The following OR51B5 variants were observed in gnomAD, a reference collection of about 807,000 sequenced individuals.
OR51B5 encodes olfactory receptor family 51 subfamily B member 5.
For missense variants in OR51B5, 456 were observed against 374.6 expected (o/e 1.22, Z -1.79); for synonymous variants, 186 against 144.8 (o/e 1.28, Z -2.04).
chr11:5,488,466 G>C (rs1277736771), intron 1 of OR51B5, among the ~76,000 whole-genome samples: 3 of 152,156 alleles, frequency 2.0e-5, no homozygotes, highest in African/African-American at 7.2e-5. Flanking sequence ...ACTTAGCTTG[G>C]TGCTTTGGAT....
At chr11:5,363,736 T>C (rs112230798) in intron 1 of OR51B5, among the ~76,000 whole-genome samples, 3,232 of 152,312 alleles carry the variant, frequency 0.021, 110 homozygotes, top group African/African-American at 0.071. Flanking sequence ...CATTCTGTTA[T>C]TGGAAAGCGG....
chr11:5,482,031 A>G (rs1163867844), intron 1 of OR51B5, among the ~76,000 whole-genome samples: 2 of 120,184 alleles, frequency 1.7e-5, no homozygotes, highest in Non-Finnish European at 3.3e-5. Flanking sequence ...GAACCAAAAA[A>G]GAGCCTGCAT....
intron 1 of OR51B5, among the ~76,000 whole-genome samples, chr11:5,475,497 G>A (rs1428588607): frequency 6.6e-6 from 1 of 151,996 alleles, no homozygotes; most frequent in Non-Finnish European, 1.5e-5. Flanking sequence ...CCAACTCTTG[G>A]TGGATATTAA....
chr11:5,457,893 T>C (rs143513345), intron 1 of OR51B5, among the ~76,000 whole-genome samples: 1 of 152,332 alleles, frequency 6.6e-6, no homozygotes, highest in East Asian at 1.9e-4. Flanking sequence ...TTTGGAAGTA[T>C]TCACTCCCAT....
chr11:5,396,099 G>A (rs2133735783), intron 1 of OR51B5, among the ~76,000 whole-genome samples: 1 of 152,234 alleles, frequency 6.6e-6, no homozygotes, highest in South Asian at 2.1e-4. Flanking sequence ...ATACAGATCT[G>A]GTCCCAGAGA....
intron 1 of OR51B5, among the ~76,000 whole-genome samples, chr11:5,418,253 T>C (rs1405509497): frequency 6.6e-6 from 1 of 151,536 alleles, no homozygotes; most frequent in South Asian, 2.1e-4. Context: ...TGGGGACTGT[T>C]GTGGGGTGCG....
chr11:5,389,486 C>T, intron 1 of OR51B5: 1 of 1,614,012 alleles, frequency 6.2e-7, no homozygotes, highest in Non-Finnish European at 8.5e-7. Context: ...CACCAGCTTT[C>T]CTGGATTGGA....
intron 1 of OR51B5, among the ~76,000 whole-genome samples, chr11:5,460,771 G>A (rs1851038295): frequency 6.6e-6 from 1 of 152,182 alleles, no homozygotes; most frequent in Non-Finnish European, 1.5e-5. Context: ...ATTCTTTGAT[G>A]CCTTTGATGA....
chr11:5,463,788 C>T (rs1013929608), intron 1 of OR51B5, among the ~76,000 whole-genome samples: 3 of 152,182 alleles, frequency 2.0e-5, no homozygotes, highest in Non-Finnish European at 2.9e-5. Flanking sequence ...ATGGGAGAAA[C>T]CTGTCTAAAG....
At chr11:5,439,984 C>T (rs10838106) in intron 1 of OR51B5, among the ~76,000 whole-genome samples, 73,893 of 152,004 alleles carry the variant, frequency 0.49, 19,532 homozygotes, top group Non-Finnish European at 0.59. Context: ...TGTTTCTTCT[C>T]AGGCAATTAT....
intron 1 of OR51B5, among the ~76,000 whole-genome samples, chr11:5,403,886 A>G (rs1028194183): frequency 6.6e-6 from 1 of 152,060 alleles, no homozygotes; most frequent in African/African-American, 2.4e-5. Context: ...TGGGAAATCT[A>G]TTGAGCCCTC....
intron 1 of OR51B5, among the ~76,000 whole-genome samples, chr11:5,441,760 T>C (rs566995903): frequency 3.3e-5 from 5 of 152,220 alleles, no homozygotes; most frequent in African/African-American, 1.2e-4. Flanking sequence ...ATCAAATGAG[T>C]GCCCATAACA....
At chr11:5,469,633 C>T (rs1267108661) in intron 1 of OR51B5, among the ~76,000 whole-genome samples, 1 of 152,176 alleles carries the variant, frequency 6.6e-6, no homozygotes, top group Non-Finnish European at 1.5e-5. Flanking sequence ...CTGTCATGAG[C>T]TCCAGGTTCT....
chr11:5,400,196 G>T (rs1339407562), intron 1 of OR51B5, among the ~76,000 whole-genome samples: 1 of 152,144 alleles, frequency 6.6e-6, no homozygotes, highest in South Asian at 2.1e-4. Context: ...ACAGCACAGA[G>T]CTTTTCCTAA....
At chr11:5,431,641 A>G (rs1231794749) in intron 1 of OR51B5, 1 of 152,850 alleles carries the variant, frequency 6.5e-6, no homozygotes, top group Non-Finnish European at 1.5e-5. Flanking sequence ...CTGCCATTTG[A>G]AAAAAACTGA....
rs999500027 is a variant in OR51B5 at position 5,454,563 on chromosome 11, A to G, written n.84+51006T>C. 34 of 675,326 alleles carry G rather than the reference A, an allele frequency of 5.0e-5. No individual in the cohort carries two copies. The Middle Eastern group carries it at 8.0e-4, about 16-fold the overall frequency. The allele number at this position is 675,326 out of a possible 1,614,324, so 41.8% of individuals were successfully genotyped here. A position where few individuals can be genotyped will look rare whatever the true frequency, so the allele number is the denominator to read the frequency against. On this transcript the variant is annotated intron_variant and non_coding_transcript_variant, in intron 1 of 4. Coordinates refer to the OR51B5 transcript ENST00000415970. Reference sequence around the variant, plus strand: ...GCCAGGAGATGGTGATGCAAAACTTATAACACAAAACAAGGAGTTCCAAAT... The same window carrying G: ...GCCAGGAGATGGTGATGCAAAACTTGTAACACAAAACAAGGAGTTCCAAAT...
intron 1 of OR51B5, among the ~76,000 whole-genome samples, chr11:5,349,559 A>AAATT (rs1160763651): frequency 6.6e-6 from 1 of 152,178 alleles, no homozygotes; most frequent in Non-Finnish European, 1.5e-5. Context: ...ACTACCAAAA[A>AAATT]AATTAAAGTT....
chr11:5,430,521 C>T (rs573618998), intron 1 of OR51B5: 7 of 360,046 alleles, frequency 1.9e-5, no homozygotes, highest in African/African-American at 1.1e-4. Context: ...ATTTCAGATT[C>T]AAGCCTGTTG....
At chr11:5,358,592 G>GAAACT (rs1453809553) in intron 1 of OR51B5, among the ~76,000 whole-genome samples, 3 of 152,136 alleles carry the variant, frequency 2.0e-5, no homozygotes, top group Admixed American at 6.5e-5. Flanking sequence ...CATTCCCTCT[G>GAAACT]AAACTATTCG....
Sources: gnomAD v4.1 joint callset for allele counts (sites outside exome capture counted in the v4.1 genomes callset) on GRCh38, gnomAD v4.1.1 for gene constraint, MANE v1.5 for transcripts, NCBI Gene and HGNC (gene_info 2026-07-23, HGNC 2026-07-21) for gene names.